Variants in GASK1A observed in about 807,000 individuals in gnomAD.
GASK1A encodes Golgi-associated kinase 1A.
GASK1A carries 40 observed loss-of-function variants against 41.2 expected under a neutral mutation model. That is an observed-to-expected ratio of 0.97 (90% CI 0.75 to 1.27). GASK1A has a LOEUF of 1.27. GASK1A is among the 50% of genes most tolerant of loss of function. The probability of loss-of-function intolerance (pLI) is 0.00; values close to 1 mark genes in which losing one functional copy is unlikely to be tolerated. For missense variants in GASK1A, 678 were observed against 745.1 expected (o/e 0.91, Z 1.05); for synonymous variants, 316 against 307.1 (o/e 1.03, Z -0.30).
Position 42,984,656 on chromosome 3 carries a change from G to T in GASK1A, c.3+5011G>T, listed in dbSNP as rs2089299516. ...CACTTGTAGAGTCCAATTAACAAGA[G>T]CAAGGTCTAGTATAAAGAAAGTGAC... On this transcript the variant is annotated intron_variant, in intron 1 of 4. Coordinates refer to ENST00000430121, the MANE Select transcript of GASK1A (RefSeq NM_001129908.3). The surrounding 1 kb of genome is among the most constrained non-coding windows in gnomAD (Gnocchi z 4.2). Among the ~76,000 whole-genome samples the T allele has an allele frequency of 6.6e-6, 1 of 152,220 alleles. No homozygotes were observed.
intron 1 of GASK1A, among the ~76,000 whole-genome samples, chr3:43,010,395 C>T (rs1360144318): frequency 4.6e-5 from 7 of 152,194 alleles, no homozygotes; most frequent in Non-Finnish European, 7.3e-5. Context: ...TCTCAAATCC[C>T]CGAATTTGAG....
rs1396619606 is a variant in GASK1A at position 43,055,486 on chromosome 3, C to T, written c.1468C>T (p.Gln490Ter). ...LVYIDNAGNLQHPEDKLNFRL... is the reference protein window; with the variant it reads ...LVYIDNAGNL ...CTACATCGATAACGCTGGCAACCTTCAGCACCCTGAGGACAAGCTGAACTT... is the reference window on the plus strand; with the variant it reads ...CTACATCGATAACGCTGGCAACCTTTAGCACCCTGAGGACAAGCTGAACTT... Residue 490 changes from glutamine to a stop codon, truncating the protein, a stop_gained, in exon 4 of 5, where the codon CAG becomes TAG. Coordinates refer to ENST00000430121, the MANE Select transcript of GASK1A (RefSeq NM_001129908.3). LOFTEE classifies it high-confidence loss of function. The T allele has an allele frequency of 6.4e-7, 1 of 1,551,990 alleles. No homozygotes were observed. The highest frequency in any genetic ancestry group is 8.7e-7 in the Non-Finnish European group (1 of 1,147,054).
At chr3:43,025,302 T>C (rs939040389) in intron 1 of GASK1A, among the ~76,000 whole-genome samples, 1 of 151,986 alleles carries the variant, frequency 6.6e-6, no homozygotes, top group Non-Finnish European at 1.5e-5. Context: ...AAGACTTAGA[T>C]GTATGGGGCA....
rs547272042 is a variant in GASK1A at position 43,057,128 on chromosome 3, C to T, written c.*742C>T. On this transcript the variant is annotated 3_prime_UTR_variant, in exon 5 of 5. Transcript: ENST00000430121. ...TTACTTTATTAACTATATTCTGTATCAGCCATCTGAATTGACCCAATCTTT... is the reference window on the plus strand; with the variant it reads ...TTACTTTATTAACTATATTCTGTATTAGCCATCTGAATTGACCCAATCTTT... 2 of 152,330 alleles carry T rather than the reference C, an allele frequency of 1.3e-5. No homozygotes were observed. Among genetic ancestry groups the T allele is most frequent in the Non-Finnish European group, 2.9e-5 (2 of 68,044 alleles). 9.4% of individuals were successfully genotyped at this position (152,330 alleles called of 1,614,324 possible). A position where few individuals can be genotyped will look rare whatever the true frequency, so the allele number is the denominator to read the frequency against.
chr3:42,990,386 T>A (rs55702394), intron 1 of GASK1A, among the ~76,000 whole-genome samples: 1 of 150,876 alleles, frequency 6.6e-6, no homozygotes, highest in Non-Finnish European at 1.5e-5. Flanking sequence ...GCATACACCC[T>A]TGGGGATAAC....
At chr3:43,031,298 C>T (rs772669432) in intron 1 of GASK1A, among the ~76,000 whole-genome samples, 11 of 152,148 alleles carry the variant, frequency 7.2e-5, no homozygotes, top group Non-Finnish European at 1.6e-4. Context: ...CCAGACACTG[C>T]GTTCCTTCCC....
At chr3:43,020,809 G>A (rs996582295) in intron 1 of GASK1A, among the ~76,000 whole-genome samples, 1 of 152,186 alleles carries the variant, frequency 6.6e-6, no homozygotes, top group Non-Finnish European at 1.5e-5. Flanking sequence ...AAGGAGGCAA[G>A]CCAAACCACA....
At chr3:43,044,281 T>C (rs1408126591) in intron 2 of GASK1A, among the ~76,000 whole-genome samples, 1 of 152,316 alleles carries the variant, frequency 6.6e-6, no homozygotes. Context: ...CTCACAGATA[T>C]GTTGCGCTCC....
At position 42,984,792 on chromosome 3, in the gene GASK1A, G is replaced by A. The variant is rs1265137478; in HGVS notation, c.3+5147G>A. ...CTTTAAATGAATACTTGGCATGAAT[G>A]GCATGCAGGGGAGTGAGCAAGCAGG... is the stretch of plus-strand genomic sequence containing the variant. On this transcript the variant is annotated intron_variant, in intron 1 of 4. Coordinates refer to ENST00000430121, the MANE Select transcript of GASK1A (RefSeq NM_001129908.3). The surrounding 1 kb of genome is among the most constrained non-coding windows in gnomAD (Gnocchi z 4.2). Among the ~76,000 whole-genome samples, 1 of 152,196 alleles carries A rather than the reference G, an allele frequency of 6.6e-6. No individual in the cohort carries two copies. Among genetic ancestry groups the A allele is most frequent in the African/African-American group, 2.4e-5 (1 of 41,438 alleles).
At chr3:43,013,864 G>A (rs1005403025) in intron 1 of GASK1A, among the ~76,000 whole-genome samples, 1 of 105,660 alleles carries the variant, frequency 9.5e-6, no homozygotes, top group African/African-American at 3.3e-5. Flanking sequence ...CACAGGCAGG[G>A]GCTTTGTGAA....
intron 1 of GASK1A, among the ~76,000 whole-genome samples, chr3:43,013,034 C>A (rs530738814): frequency 6.8e-6 from 1 of 147,420 alleles, no homozygotes; most frequent in Non-Finnish European, 1.5e-5. Flanking sequence ...TGGGAAATCA[C>A]GGGAATGAGC....
intron 1 of GASK1A, among the ~76,000 whole-genome samples, chr3:42,997,059 T>C (rs2089378706): frequency 6.6e-6 from 1 of 152,256 alleles, no homozygotes; most frequent in Non-Finnish European, 1.5e-5. Flanking sequence ...GAGCTGAGGC[T>C]GGAACCTGGG....
At chr3:43,012,279 A>G (rs983813757) in intron 1 of GASK1A, among the ~76,000 whole-genome samples, 2 of 151,304 alleles carry the variant, frequency 1.3e-5, no homozygotes, top group Non-Finnish European at 2.9e-5. Flanking sequence ...AGGTCACAGG[A>G]AGGGGCTGTG....
intron 1 of GASK1A, among the ~76,000 whole-genome samples, chr3:43,020,461 A>G (rs1314147107): frequency 6.6e-6 from 1 of 152,154 alleles, no homozygotes; most frequent in Non-Finnish European, 1.5e-5. Context: ...CCTAAGCCCC[A>G]TTTGTAGAGA....
At chr3:43,000,357 T>G (rs2089402705) in intron 1 of GASK1A, among the ~76,000 whole-genome samples, 1 of 152,288 alleles carries the variant, frequency 6.6e-6, no homozygotes, top group Non-Finnish European at 1.5e-5. Context: ...TTCAGTCAGA[T>G]TCCTCTTGGA....
chr3:42,991,395 G>A (rs1345107092), intron 1 of GASK1A, among the ~76,000 whole-genome samples: 5 of 152,038 alleles, frequency 3.3e-5, no homozygotes, highest in African/African-American at 9.7e-5. Flanking sequence ...CCCACTCCAT[G>A]CACTTAGATA....
intron 1 of GASK1A, among the ~76,000 whole-genome samples, chr3:42,986,762 G>T (rs980341529): frequency 6.6e-6 from 1 of 152,134 alleles, no homozygotes; most frequent in Non-Finnish European, 1.5e-5. Flanking sequence ...TTTAGAGAGC[G>T]GTTTTGGAGG....
chr3:43,056,286 G>A lies in GASK1A; in HGVS notation c.1628G>A (p.Gly543Glu). Reference sequence around the variant, plus strand: ...TGGGAAAGCCAAGGCGGAGCCCAGGGGCTGAAGCAGGTCCTCCAGACCCTG... The same window carrying A: ...TGGGAAAGCCAAGGCGGAGCCCAGGAGCTGAAGCAGGTCCTCCAGACCCTG... The part of the protein sequence containing the change: ...VFWESQGGAQ[G>E]LKQVLQTLEQ... Residue 543 changes from glycine (G) to glutamate (E), a missense_variant, in exon 5 of 5, where the codon GGG becomes GAG. Transcript: ENST00000430121. 6.4e-7 allele frequency: 1 copy of A among 1,551,700 alleles called. No individual in the cohort carries two copies. The highest frequency in any genetic ancestry group is 8.7e-7 in the Non-Finnish European group (1 of 1,147,000).
At chr3:43,044,328 C>T (rs1404742457) in intron 2 of GASK1A, among the ~76,000 whole-genome samples, 1 of 152,144 alleles carries the variant, frequency 6.6e-6, no homozygotes, top group Admixed American at 6.5e-5. Context: ...ATGCTAGACC[C>T]ACATCATAAC....
Sources: gnomAD v4.1 joint callset for allele counts (sites outside exome capture counted in the v4.1 genomes callset) on GRCh38, gnomAD v4.1.1 for gene constraint, Gnocchi (gnomAD v3.1) non-coding constraint, MANE v1.5 for transcripts, NCBI Gene and HGNC (gene_info 2026-07-23, HGNC 2026-07-21) for gene names.